Variants in ARHGAP20 observed in about 807,000 individuals in gnomAD.
ARHGAP20 encodes the protein Rho GTPase activating protein 20, also known as rho GTPase-activating protein 20.
In ARHGAP20, 34 loss-of-function variants were observed where a neutral mutation model predicts 73.7. The ratio of observed to expected loss-of-function variants is 0.46; its 90% confidence interval spans 0.35 to 0.61. The LOEUF is 0.61. ARHGAP20 is among the 20% of genes least tolerant of loss of function. The pLI is 0.00. For synonymous variants in ARHGAP20, 523 were observed against 518.2 expected, an observed-to-expected ratio of 1.01 and a Z score of -0.13; for missense variants, 1,314 against 1,420.9, an observed-to-expected ratio of 0.92 and a Z score of 1.21.
intron 11 of ARHGAP20, among the ~76,000 whole-genome samples, chr11:110,586,745 A>G (rs561459100): frequency 6.6e-6 from 1 of 152,300 alleles, no homozygotes; most frequent in Non-Finnish European, 1.5e-5. Flanking sequence ...ATCATTCTAC[A>G]TGCATTTATT....
chr11:110,619,993 C>T (rs1022603726), intron 4 of ARHGAP20, among the ~76,000 whole-genome samples: 1 of 152,110 alleles, frequency 6.6e-6, no homozygotes, highest in African/African-American at 2.4e-5. Flanking sequence ...AATTGTCAGT[C>T]TTAGATTTCA....
chr11:110,616,547 A>G (rs184748359), intron 4 of ARHGAP20, among the ~76,000 whole-genome samples: 79 of 152,180 alleles, frequency 5.2e-4, no homozygotes, highest in Middle Eastern at 6.8e-3. Context: ...CTAATTTTCT[A>G]ATCTTTTTAG....
intron 4 of ARHGAP20, among the ~76,000 whole-genome samples, chr11:110,623,477 T>C (rs575198654): frequency 6.6e-6 from 1 of 152,334 alleles, no homozygotes; most frequent in Admixed American, 6.5e-5. Flanking sequence ...CATCCTAGCA[T>C]AGGAGCATGT....
At position 110,614,624 on chromosome 11, in the gene ARHGAP20, T is replaced by G; in HGVS notation, c.567A>C (p.Glu189Asp). ...LLQRYINLEKEKDYPKSIPLK... is the reference protein window; with the variant it reads ...LLQRYINLEKDKDYPKSIPLK... ...GGGGAATGCTCTTCGGGTAGTCCTTTTCTTTCTCTAGATTGATGTATCTAA... is the reference window on the plus strand; with the variant it reads ...GGGGAATGCTCTTCGGGTAGTCCTTGTCTTTCTCTAGATTGATGTATCTAA... Residue 189 changes from glutamate to aspartate, a missense_variant, in exon 6 of 15, where the codon GAA becomes GAC. This residue lies in a region of ARHGAP20 where 443 missense variants were observed against 466.4 expected (regional missense o/e 0.95). Coordinates refer to ENST00000683387, the MANE Select transcript of ARHGAP20 (RefSeq NM_001384657.1). 6.2e-7 allele frequency: 1 copy of G among 1,612,244 alleles called. No individual in the cohort carries two copies. Among genetic ancestry groups the G allele is most frequent in the Non-Finnish European group, 8.5e-7 (1 of 1,179,214 alleles).
rs201406676 is a variant in ARHGAP20, at chr11:110,664,061, TAA to T, written c.188+26484_188+26485del. Among the ~76,000 whole-genome samples, 129 of 152,300 alleles carry T rather than the reference TAA, an allele frequency of 8.5e-4. 2 individuals carry two copies. The East Asian group carries it at 0.023, about 27-fold the overall frequency. ...GACAAAATGTAATACTCATTCATGA[TAA>T]AAAGTCAGTAATCCAGATATAGAAG... On this transcript the variant is annotated intron_variant, in intron 2 of 14. Coordinates refer to ENST00000683387, the MANE Select transcript of ARHGAP20 (RefSeq NM_001384657.1).
At chr11:110,583,844 C>T in intron 12 of ARHGAP20, 107 bp from the exon 13 acceptor site, 1 of 914,264 alleles carries the variant, frequency 1.1e-6, no homozygotes, top group Non-Finnish European at 1.5e-6. Context: ...GAACACAGTT[C>T]AGATATGCAA....
intron 1 of ARHGAP20, among the ~76,000 whole-genome samples, chr11:110,692,487 C>G (rs1416278752): frequency 6.6e-6 from 1 of 152,074 alleles, no homozygotes; most frequent in Admixed American, 6.6e-5. Context: ...GTCCCTCACA[C>G]CCTCTGTCTG....
At chr11:110,629,151 T>C (rs1948808947) in intron 3 of ARHGAP20, among the ~76,000 whole-genome samples, 1 of 146,732 alleles carries the variant, frequency 6.8e-6, no homozygotes. Context: ...TAAAAAATTT[T>C]TGTTGTCTAT....
intron 2 of ARHGAP20, among the ~76,000 whole-genome samples, chr11:110,648,201 AT>A (rs1565457384): frequency 3.8e-5 from 3 of 78,872 alleles, no homozygotes; most frequent in African/African-American, 2.1e-4. Flanking sequence ...AAATATATAT[AT>A]ATATGTAAAT....
chr11:110,633,719 C>T (rs901330471), intron 2 of ARHGAP20, among the ~76,000 whole-genome samples: 1 of 152,146 alleles, frequency 6.6e-6, no homozygotes, highest in African/African-American at 2.4e-5. Context: ...AGCATCTGCA[C>T]ATTTTAGAGA....
At chr11:110,693,671 C>A (rs889685338) in intron 1 of ARHGAP20, among the ~76,000 whole-genome samples, 1 of 151,914 alleles carries the variant, frequency 6.6e-6, no homozygotes, top group Non-Finnish European at 1.5e-5. Flanking sequence ...AACAAATTCA[C>A]TGATCTCTTA....
chr11:110,679,465 C>T (rs1300873152), intron 2 of ARHGAP20, among the ~76,000 whole-genome samples: 1 of 152,108 alleles, frequency 6.6e-6, no homozygotes, highest in Non-Finnish European at 1.5e-5. Flanking sequence ...AAATGTTTGA[C>T]CTTTGCACTG....
At chr11:110,697,733 T>C (rs1164161392) in intron 1 of ARHGAP20, among the ~76,000 whole-genome samples, 6 of 151,952 alleles carry the variant, frequency 3.9e-5, no homozygotes, top group African/African-American at 1.4e-4. Context: ...CAGTTGGTTG[T>C]AGGTATATGG....
Position 110,630,751 on chromosome 11 carries a change from G to A in ARHGAP20, c.230C>T (p.Ser77Leu). ...AGTCCTATTGGAGCACACTAATGAT[G>A]ACAGAAATGTGCATGTGTCAACACT... ...SASVDTCTFL[S>L]SLVCSNRTLL... Residue 77 changes from serine to leucine, a missense_variant, in exon 3 of 15, where the codon TCA becomes TTA. Physicochemically the swap from Ser to Leu is moderately radical, Grantham distance 145. This residue lies in a region of ARHGAP20 where 443 missense variants were observed against 466.4 expected (regional missense o/e 0.95). Coordinates refer to ENST00000683387, the MANE Select transcript of ARHGAP20 (RefSeq NM_001384657.1). 1 of 1,614,104 alleles carries A rather than the reference G, an allele frequency of 6.2e-7. No individual in the cohort carries two copies. Among genetic ancestry groups the A allele is most frequent in the Non-Finnish European group, 8.5e-7 (1 of 1,179,974 alleles).
chr11:110,611,335 T>C lies in ARHGAP20; in HGVS notation c.682A>G (p.Met228Val). 6.4e-7 allele frequency: 1 copy of C among 1,570,964 alleles called. No homozygotes were observed. The highest frequency in any genetic ancestry group is 1.4e-5 in the African/African-American group (1 of 73,096). The part of the protein sequence containing the change: ...NSDTANEVIN[M>V]SLPMLGITGS... ...GTTATCCCTAGCATTGGTAATGACATGTTGATAACTTCATTCGCTGTATCT... is the reference window on the plus strand; with the variant it reads ...GTTATCCCTAGCATTGGTAATGACACGTTGATAACTTCATTCGCTGTATCT... The change falls in exon 7 of 15, where the codon ATG becomes GTG. Residue 228 changes from methionine (M) to valine (V), a missense_variant. Physicochemically the swap from Met to Val is conservative, Grantham distance 21 (BLOSUM62 1). Coordinates refer to ENST00000683387, the MANE Select transcript of ARHGAP20 (RefSeq NM_001384657.1).
chr11:110,654,849 C>A (rs1949430550), intron 2 of ARHGAP20, among the ~76,000 whole-genome samples: 1 of 152,198 alleles, frequency 6.6e-6, no homozygotes, highest in African/African-American at 2.4e-5. Flanking sequence ...ATTCCCAATA[C>A]AATTATATTG....
chr11:110,618,250 T>C (rs967771472), intron 4 of ARHGAP20, among the ~76,000 whole-genome samples: 2 of 152,200 alleles, frequency 1.3e-5, no homozygotes, highest in Non-Finnish European at 2.9e-5. Context: ...TGTATTCTAG[T>C]TCTACCTTAC....
At chr11:110,699,591 G>A (rs1477684989) in intron 1 of ARHGAP20, among the ~76,000 whole-genome samples, 1 of 151,924 alleles carries the variant, frequency 6.6e-6, no homozygotes, top group Non-Finnish European at 1.5e-5. Context: ...CTGGTGTTAG[G>A]TGCATATATA....
At chr11:110,597,475 C>T (rs1053207551) in intron 9 of ARHGAP20, among the ~76,000 whole-genome samples, 3 of 151,872 alleles carry the variant, frequency 2.0e-5, no homozygotes, top group African/African-American at 4.8e-5. Context: ...CTCACATTTA[C>T]TTGATTTTTA....
Sources: gnomAD v4.1 joint callset for allele counts (sites outside exome capture counted in the v4.1 genomes callset) on GRCh38, gnomAD v4.1.1 for gene constraint, gnomAD v4.1.1 regional missense constraint, MANE v1.5 for transcripts, NCBI Gene and HGNC (gene_info 2026-07-23, HGNC 2026-07-21) for gene names.